TBXAS1: variants seen among roughly 807,000 people sequenced by gnomAD.
TBXAS1 encodes thromboxane A synthase 1.
In TBXAS1, 48 loss-of-function variants were observed where a neutral mutation model predicts 60.7. The observed-to-expected ratio is 0.79, with a 90% CI of 0.63 to 1.01. The LOEUF (loss-of-function observed/expected upper bound fraction) is 1.01, where lower values mean the gene tolerates loss of function less well. Ranked by LOEUF, TBXAS1 falls within the 50% of genes least tolerant of loss-of-function variation. TBXAS1 has a pLI of 0.00. For missense variants in TBXAS1, 685 were observed against 686.3 expected (o/e 1.00, Z 0.02); for synonymous variants, 287 against 269.7 (o/e 1.06, Z -0.63).
intron 3 of TBXAS1, among the ~76,000 whole-genome samples, chr7:139,784,011 G>GTTTTTT (rs11340240): frequency 2.3e-5 from 3 of 132,066 alleles, no homozygotes; most frequent in African/African-American, 5.4e-5. Flanking sequence ...AGTTTTTTTT[G>GTTTTTT]TTTTTTTTTT....
chr7:139,978,067 C>A (rs572812076), intron 9 of TBXAS1, among the ~76,000 whole-genome samples: 1 of 152,136 alleles, frequency 6.6e-6, no homozygotes, highest in African/African-American at 2.4e-5. Flanking sequence ...CAGTCTGTGG[C>A]TTGTGGCCAG....
chr7:139,870,344 G>A (rs898181006), intron 1 of TBXAS1, among the ~76,000 whole-genome samples: 4 of 152,140 alleles, frequency 2.6e-5, no homozygotes, highest in South Asian at 2.1e-4. Flanking sequence ...GTGGTCCAAG[G>A]TCTACATCTT....
intron 1 of TBXAS1, among the ~76,000 whole-genome samples, chr7:139,870,172 A>C (rs989149892): frequency 4.6e-5 from 7 of 152,330 alleles, no homozygotes; most frequent in East Asian, 3.9e-4. Flanking sequence ...TGTGTTTGAA[A>C]ATGTCTGAAT....
intron 4 of TBXAS1, among the ~76,000 whole-genome samples, chr7:139,919,302 T>G (rs1352442406): frequency 6.6e-6 from 1 of 152,252 alleles, no homozygotes; most frequent in East Asian, 1.9e-4. Context: ...ACCTAGTCTT[T>G]GTGACCGTGG....
chr7:139,869,766 G>A (rs148117222), intron 1 of TBXAS1, among the ~76,000 whole-genome samples: 7 of 152,174 alleles, frequency 4.6e-5, no homozygotes, highest in African/African-American at 1.7e-4. Flanking sequence ...GACTTCTGGA[G>A]GTTAGGACTT....
chr7:139,934,165 A>C (rs1234196631), intron 4 of TBXAS1, among the ~76,000 whole-genome samples: 1 of 151,920 alleles, frequency 6.6e-6, no homozygotes, highest in Non-Finnish European at 1.5e-5. Context: ...CAACTCCATG[A>C]GGGCCAATGC....
At chr7:139,805,631 TTCCCTCCC>T (rs371429055) in intron 4 of TBXAS1, among the ~76,000 whole-genome samples, 60 of 150,860 alleles carry the variant, frequency 4.0e-4, no homozygotes, top group African/African-American at 1.4e-3. Flanking sequence ...CCTTCTTTCC[TTCCCTCCC>T]TCCCTCCCTC....
chr7:139,784,017 T>TG lies in TBXAS1; in HGVS notation c.-169+1288_-169+1289insG, dbSNP rs1266269624. On this transcript the variant is annotated intron_variant, in intron 3 of 16. Transcript: ENST00000336425. ...TGCTTGTTTAGTTTTTTTTGTTTTTTTTTTTTTTGTATTTTTTCCCAAAAT... is the reference window on the plus strand; with the variant it reads ...TGCTTGTTTAGTTTTTTTTGTTTTTTGTTTTTTTTGTATTTTTTCCCAAAAT... Among the ~76,000 whole-genome samples, 25 of 151,448 alleles carry TG rather than the reference T, an allele frequency of 1.7e-4. No individual in the cohort carries two copies. The East Asian group carries it at 4.3e-3, about 26-fold the overall frequency.
chr7:139,797,384 T>G (rs1218932455), intron 4 of TBXAS1: 1 of 152,224 alleles, frequency 6.6e-6, no homozygotes, highest in Non-Finnish European at 1.5e-5. Context: ...CATTGGTCAT[T>G]GAGGTCAGGC....
intron 3 of TBXAS1, among the ~76,000 whole-genome samples, chr7:139,892,053 G>A (rs1029949659): frequency 6.6e-6 from 1 of 152,112 alleles, no homozygotes; most frequent in Non-Finnish European, 1.5e-5. Flanking sequence ...GAAGATAAGG[G>A]ACATGTTCTC....
chr7:139,921,655 A>G (rs1806480868), intron 4 of TBXAS1, among the ~76,000 whole-genome samples: 1 of 152,246 alleles, frequency 6.6e-6, no homozygotes, highest in African/African-American at 2.4e-5. Context: ...GTGAGCTATG[A>G]TCGTGCCACT....
chr7:139,961,891 T>C, intron 8 of TBXAS1, 28 bp from the exon 9 acceptor site: 1 of 1,613,858 alleles, frequency 6.2e-7, no homozygotes, highest in African/African-American at 1.3e-5. Context: ...AAGGTCAAAA[T>C]GTGCATTTTT....
At chr7:139,952,756 A>C (rs1809517377) in intron 5 of TBXAS1, 2 of 1,438,978 alleles carry the variant, frequency 1.4e-6, no homozygotes, top group Admixed American at 2.5e-5. Flanking sequence ...CAATTGCCCC[A>C]TGTGGGCATA....
chr7:139,844,984 C>T (rs1799704494), intron 1 of TBXAS1, among the ~76,000 whole-genome samples: 2 of 152,092 alleles, frequency 1.3e-5, no homozygotes, highest in East Asian at 3.8e-4. Flanking sequence ...TTTCCCCCAG[C>T]CCCCCAGGCT....
At chr7:139,801,558 C>T (rs1403835478) in intron 4 of TBXAS1, among the ~76,000 whole-genome samples, 2 of 152,084 alleles carry the variant, frequency 1.3e-5, no homozygotes, top group Admixed American at 1.3e-4. Context: ...CAACCTCTGC[C>T]TCCCAGGCTC....
chr7:140,000,572 G>A (rs1197754736), intron 9 of TBXAS1, among the ~76,000 whole-genome samples: 2 of 152,112 alleles, frequency 1.3e-5, no homozygotes, highest in African/African-American at 4.8e-5. Flanking sequence ...AGAATCTTAG[G>A]AATAAAATTA....
chr7:139,860,094 C>T (rs1355298174), intron 1 of TBXAS1, among the ~76,000 whole-genome samples: 1 of 152,152 alleles, frequency 6.6e-6, no homozygotes, highest in East Asian at 1.9e-4. Context: ...GAGATTGTGC[C>T]ACTGCACTCC....
chr7:139,858,589 A>G (rs994475613), intron 1 of TBXAS1, among the ~76,000 whole-genome samples: 1 of 152,212 alleles, frequency 6.6e-6, no homozygotes, highest in Admixed American at 6.5e-5. Flanking sequence ...GAGCAAGGGC[A>G]TGTAGGCATG....
chr7:139,781,837 C>CAAAAAAAAAAAAAAAAAAAAAAAAAAAA (rs200999267), intron 2 of TBXAS1, among the ~76,000 whole-genome samples: 2 of 67,310 alleles, frequency 3.0e-5, no homozygotes, highest in South Asian at 7.8e-4. Context: ...AATTCCATCT[C>CAAAAAAAAAAAAAAAAAAAAAAAAAAAA]AAAAAAAAAA....
Sources: allele counts gnomAD v4.1 joint callset (sites outside exome capture counted in the v4.1 genomes callset), GRCh38; gene constraint gnomAD v4.1.1; transcripts MANE v1.5; gene names NCBI Gene and HGNC (gene_info 2026-07-23, HGNC 2026-07-21).